Variants in LSAMP observed in about 807,000 individuals in gnomAD.
LSAMP encodes the protein limbic system-associated membrane protein.
Under a neutral mutation model 38.6 loss-of-function variants are expected in LSAMP, and 7 were observed. The ratio of observed to expected loss-of-function variants is 0.18; its 90% CI spans 0.10 to 0.34. The LOEUF (loss-of-function observed/expected upper bound fraction) is 0.34. LSAMP is among the 10% of genes least tolerant of loss of function. LSAMP has a pLI of 1.00. For synonymous variants in LSAMP, 154 were observed against 166.8 expected (o/e 0.92, Z 0.59); for missense variants, 313 against 420.0 (o/e 0.75, Z 2.23).
chr3:115,818,182 T>A (rs1172069676), intron 6 of LSAMP, among the ~76,000 whole-genome samples: 1 of 152,216 alleles, frequency 6.6e-6, no homozygotes, highest in Non-Finnish European at 1.5e-5. Context: ...GAGGTATCAC[T>A]GGGATATTTA....
At chr3:115,876,285 T>A (rs1651128310) in intron 3 of LSAMP, among the ~76,000 whole-genome samples, 1 of 149,314 alleles carries the variant, frequency 6.7e-6, no homozygotes, top group Non-Finnish European at 1.5e-5. Context: ...AAGCTTTTTT[T>A]TTTTTTTTTT....
chr3:116,218,547 C>T (rs2046247130), intron 1 of LSAMP, among the ~76,000 whole-genome samples: 1 of 152,152 alleles, frequency 6.6e-6, no homozygotes, highest in African/African-American at 2.4e-5. Context: ...ACATTGATGA[C>T]TTCTTTGTGC....
chr3:115,826,730 G>GT (rs1163313202), intron 6 of LSAMP, among the ~76,000 whole-genome samples: 8 of 152,132 alleles, frequency 5.3e-5, no homozygotes, highest in South Asian at 2.1e-4. Context: ...CAAAAAATGA[G>GT]TTTTTAACTG....
chr3:116,289,245 A>G (rs1030196122), intron 1 of LSAMP, among the ~76,000 whole-genome samples: 3 of 152,184 alleles, frequency 2.0e-5, no homozygotes, highest in African/African-American at 7.2e-5. Flanking sequence ...GAAGGTAGGG[A>G]CTTTCATTGT....
intron 1 of LSAMP, among the ~76,000 whole-genome samples, chr3:116,160,459 G>A (rs1305492292): frequency 6.7e-6 from 1 of 148,936 alleles, no homozygotes; most frequent in East Asian, 2.0e-4. Flanking sequence ...AGGAGAGAGA[G>A]AAAAGAAGAG....
intron 1 of LSAMP, among the ~76,000 whole-genome samples, chr3:116,384,704 G>C (rs534923011): frequency 4.3e-4 from 66 of 152,236 alleles, no homozygotes; most frequent in African/African-American, 1.5e-3. Flanking sequence ...AGGTAGCTTT[G>C]AGGAGGTGTT....
At chr3:116,252,808 G>A (rs1208706212) in intron 1 of LSAMP, among the ~76,000 whole-genome samples, 1 of 152,186 alleles carries the variant, frequency 6.6e-6, no homozygotes, top group Non-Finnish European at 1.5e-5. Flanking sequence ...ATGAACTTAT[G>A]GGATGTTTTC....
chr3:116,064,754 A>G (rs1340332505), intron 2 of LSAMP, among the ~76,000 whole-genome samples: 2 of 152,164 alleles, frequency 1.3e-5, no homozygotes, highest in African/African-American at 4.8e-5. Flanking sequence ...AACAACTATG[A>G]TTGTTATTGT....
chr3:115,901,027 A>C (rs991651828), intron 3 of LSAMP, among the ~76,000 whole-genome samples: 3 of 152,102 alleles, frequency 2.0e-5, no homozygotes, highest in Non-Finnish European at 4.4e-5. Context: ...TGCCCTTCCT[A>C]TATTCACCTT....
chr3:116,212,371 G>A (rs2046169166), intron 1 of LSAMP, among the ~76,000 whole-genome samples: 1 of 152,064 alleles, frequency 6.6e-6, no homozygotes, highest in South Asian at 2.1e-4. Flanking sequence ...AGTGTTTCCT[G>A]ATAAAGATCA....
chr3:116,115,622 A>G (rs1010629125), intron 1 of LSAMP, among the ~76,000 whole-genome samples: 4 of 152,168 alleles, frequency 2.6e-5, no homozygotes, highest in Non-Finnish European at 5.9e-5. Context: ...TGAGATAGAA[A>G]TTATTTTATG....
intron 2 of LSAMP, among the ~76,000 whole-genome samples, chr3:116,036,068 A>C (rs142180912): frequency 8.3e-4 from 126 of 152,362 alleles, no homozygotes; most frequent in Non-Finnish European, 1.4e-3. Context: ...ACTGGACTAC[A>C]TGAGCAAGAA....
rs568475549 is a variant in LSAMP at position 116,242,766 on chromosome 3, A to G, written c.156-156210T>C. ...CTATCTAACTTGAGTTTTAACATTG[A>G]AAAAAAAAACACTAAAGATTGTCTT... On this transcript the variant is annotated intron_variant, in intron 1 of 6. Transcript: ENST00000490035. Among the ~76,000 whole-genome samples, 82 of 127,414 alleles carry G rather than the reference A, an allele frequency of 6.4e-4. 1 individual carries two copies. In the South Asian group the frequency reaches 0.018, roughly 27 times the overall value. The allele number at this position is 127,414 out of a possible 152,430, so 83.6% of individuals were successfully genotyped here. A position where few individuals can be genotyped will look rare whatever the true frequency, so the allele number is the denominator to read the frequency against.
intron 2 of LSAMP, among the ~76,000 whole-genome samples, chr3:116,031,628 C>T (rs12493033): frequency 3.9e-5 from 5 of 128,254 alleles, no homozygotes; most frequent in Non-Finnish European, 4.7e-5. Context: ...CATGTAGAGA[C>T]GGAGGTAGAT....
intron 1 of LSAMP, among the ~76,000 whole-genome samples, chr3:116,392,202 C>T (rs1029817305): frequency 2.6e-5 from 4 of 152,194 alleles, no homozygotes; most frequent in African/African-American, 9.6e-5. Context: ...GAGCCCTGCC[C>T]ATTTTGAGTT....
intron 1 of LSAMP, among the ~76,000 whole-genome samples, chr3:116,398,473 C>T (rs936911578): frequency 5.9e-5 from 9 of 151,980 alleles, no homozygotes; most frequent in Admixed American, 5.9e-4. Flanking sequence ...TAACGTTGAC[C>T]GATTAGCTGA....
intron 6 of LSAMP, among the ~76,000 whole-genome samples, chr3:115,832,060 A>G (rs895907700): frequency 6.6e-6 from 1 of 152,146 alleles, no homozygotes; most frequent in Non-Finnish European, 1.5e-5. Flanking sequence ...CACAGCTTGA[A>G]GGGGTTAGGA....
chr3:115,825,888 C>T (rs978781743), intron 6 of LSAMP, among the ~76,000 whole-genome samples: 3 of 152,098 alleles, frequency 2.0e-5, no homozygotes, highest in Non-Finnish European at 4.4e-5. Context: ...AATTCCTCAC[C>T]TTTAACTCCA....
At position 116,164,759 on chromosome 3, in the gene LSAMP, TA is replaced by T. The variant is rs1344646958; in HGVS notation, c.156-78204del. 6.3e-3 allele frequency among the ~76,000 whole-genome samples: 327 copies of T among 51,802 alleles called. 20 individuals carry two copies. Among genetic ancestry groups the T allele is most frequent in the African/African-American group, 0.018 (307 of 16,946 alleles). The allele number at this position is 51,802 out of a possible 152,430, so 34.0% of individuals were successfully genotyped here. On this transcript the variant is annotated intron_variant, in intron 1 of 6. Transcript: ENST00000490035. Reference sequence around the variant, plus strand: ...ATATATATCCATATATATATATATATATTTTTTTTTTTTTTCAAGTAGCATC... The same window carrying T: ...ATATATATCCATATATATATATATATTTTTTTTTTTTTTTCAAGTAGCATC...
Sources: gnomAD v4.1 joint callset for allele counts (sites outside exome capture counted in the v4.1 genomes callset) on GRCh38, gnomAD v4.1.1 for gene constraint, MANE v1.5 for transcripts, NCBI Gene and HGNC (gene_info 2026-07-23, HGNC 2026-07-21) for gene names.